The following PIWIL3 variants were observed in gnomAD, a reference collection of about 807,000 sequenced individuals.
PIWIL3 encodes the protein piwi like RNA-mediated gene silencing 3, also known as piwi-like protein 3.
Under a neutral mutation model 109.7 loss-of-function variants are expected in PIWIL3, and 101 were observed. The ratio of observed to expected loss-of-function variants is 0.92; its 90% CI spans 0.78 to 1.09. The LOEUF (loss-of-function observed/expected upper bound fraction) is 1.09, where lower values mean the gene tolerates loss of function less well. PIWIL3 is among the 50% of genes least tolerant of loss of function. The pLI is 0.00. For synonymous variants in PIWIL3, 373 were observed against 376.4 expected (o/e 0.99, Z 0.10); for missense variants, 1,031 against 1,072.6 (o/e 0.96, Z 0.54).
chr22:24,756,045 G>T, intron 5 of PIWIL3, 140 bp from the exon 6 acceptor site: 1 of 865,908 alleles, frequency 1.2e-6, no homozygotes, highest in Non-Finnish European at 1.8e-6. Flanking sequence ...AAGTACGTGC[G>T]TGTGGAAAAC....
In PIWIL3 at chr22:24,746,291, TGA is replaced by T. The variant is rs773728620; in HGVS notation, c.1449+2614_1449+2615del. 9.9e-5 allele frequency among the ~76,000 whole-genome samples: 15 copies of T among 152,246 alleles called. No individual in the cohort carries two copies. The East Asian group carries it at 2.7e-3, about 27-fold the overall frequency. On this transcript the variant is annotated intron_variant, in intron 12 of 20. Transcript: ENST00000616349. ...ATGGTTCTATGTAGGCAAATCAACA[TGA>T]TATATCCACAGAATGAAGGACAAAC...
chr22:24,753,202 G>C (rs9624584), intron 8 of PIWIL3, among the ~76,000 whole-genome samples: 4,614 of 152,248 alleles, frequency 0.03, 78 homozygotes, highest in African/African-American at 0.033. Context: ...GCTTTGAGTG[G>C]CTTATCTAAG....
At chr22:24,723,645 T>A (rs1396889178) in intron 18 of PIWIL3, among the ~76,000 whole-genome samples, 1 of 152,178 alleles carries the variant, frequency 6.6e-6, no homozygotes, top group Non-Finnish European at 1.5e-5. Flanking sequence ...AAAAGAAGGA[T>A]AAGTGTGAAC....
At chr22:24,749,134 T>C (rs1569105528) in intron 11 of PIWIL3, 113 bp from the exon 12 acceptor site, 11 of 899,572 alleles carry the variant, frequency 1.2e-5, no homozygotes, top group South Asian at 1.7e-5. Context: ...GTCCGCAGCA[T>C]TGAGATGCGG....
At chr22:24,754,695 C>G in intron 7 of PIWIL3, 89 bp downstream of exon 7, 2 of 1,040,632 alleles carry the variant, frequency 1.9e-6, no homozygotes, top group South Asian at 2.6e-5. Flanking sequence ...ACTTTTAAGG[C>G]ATACCACTTC....
chr22:24,720,748 AT>A (rs1922629787), intron 19 of PIWIL3, among the ~76,000 whole-genome samples: 1 of 151,546 alleles, frequency 6.6e-6, no homozygotes, highest in African/African-American at 2.4e-5. Flanking sequence ...CCTTTCCTTC[AT>A]TTTACTTCAT....
chr22:24,725,569 G>T, intron 16 of PIWIL3, 54 bp from the exon 17 acceptor site: 1 of 1,582,704 alleles, frequency 6.3e-7, no homozygotes, highest in South Asian at 1.1e-5. Context: ...AATCTCATTT[G>T]AGTCTGCATT....
intron 3 of PIWIL3, among the ~76,000 whole-genome samples, chr22:24,758,689 A>G (rs529188693): frequency 1.3e-5 from 2 of 152,310 alleles, no homozygotes; most frequent in South Asian, 4.1e-4. Context: ...TTACTTCTGG[A>G]GTCTAGTTTT....
Position 24,749,734 on chromosome 22 carries a change from C to G in PIWIL3, c.1175G>C (p.Arg392Pro), listed in dbSNP as rs199727540. 1 of 1,613,964 alleles carries G rather than the reference C, an allele frequency of 6.2e-7. No individual in the cohort carries two copies. The highest frequency in any genetic ancestry group is 8.5e-7 in the Non-Finnish European group (1 of 1,179,986). Reference protein sequence around the residue: ...RWKKGLTGTQREPILLIPQLC... With the variant: ...RWKKGLTGTQPEPILLIPQLC... ...CTGAGGAATCAGCAGGATAGGTTCA[C>G]GTTGTGTACCCGTTAGGCCCTTTTT... Residue 392 changes from arginine to proline, a missense_variant, in exon 10 of 21, where the codon CGT becomes CCT. Physicochemically the swap from Arg to Pro is moderately radical, Grantham distance 103. Coordinates refer to ENST00000616349, the MANE Select transcript of PIWIL3 (RefSeq NM_001255975.1).
In PIWIL3 at chr22:24,729,925, T is replaced by C. The variant is rs1049527480; in HGVS notation, c.1708-1551A>G. Among the ~76,000 whole-genome samples the C allele has an allele frequency of 2.6e-5, 4 of 151,690 alleles. No individual in the cohort carries two copies. The South Asian group carries it at 6.2e-4, about 24-fold the overall frequency. On this transcript the variant is annotated intron_variant, in intron 14 of 20. Transcript: ENST00000616349. ...CTGGTGAATCTATACTGATGGATTC[T>C]ACTTTTTCTTTTTTTTTTTTTTTAG...
chr22:24,729,541 T>C (rs190189192), intron 14 of PIWIL3, among the ~76,000 whole-genome samples: 81 of 152,308 alleles, frequency 5.3e-4, no homozygotes, highest in Middle Eastern at 6.8e-3. Flanking sequence ...TTTCAAATAT[T>C]GGGTTGGATT....
chr22:24,758,105 C>T (rs1925203114), intron 3 of PIWIL3, 66 bp from the exon 4 acceptor site: 7 of 1,515,794 alleles, frequency 4.6e-6, no homozygotes, highest in South Asian at 1.2e-5. Flanking sequence ...ACAGCATTAA[C>T]ACCCAGCATA....
chr22:24,757,079 C>CAAAAAAAAAAAAAAAAAAAAAAAAA (rs71189275), intron 4 of PIWIL3, among the ~76,000 whole-genome samples: 24 of 91,730 alleles, frequency 2.6e-4, no homozygotes, highest in African/African-American at 4.1e-4. Flanking sequence ...AACTCCGTCT[C>CAAAAAAAAAAAAAAAAAAAAAAAAA]AAAAAAAAAA....
At chr22:24,751,117 C>T (rs1924683883) in intron 9 of PIWIL3, among the ~76,000 whole-genome samples, 1 of 150,710 alleles carries the variant, frequency 6.6e-6, no homozygotes, top group East Asian at 2.0e-4. Flanking sequence ...GAACGAGACT[C>T]CAACTCAAAA....
intron 1 of PIWIL3, among the ~76,000 whole-genome samples, chr22:24,768,572 G>A (rs1925938812): frequency 6.6e-6 from 1 of 152,028 alleles, no homozygotes; most frequent in African/African-American, 2.4e-5. Flanking sequence ...TTTTCATTCT[G>A]CAGACATCAA....
chr22:24,765,113 A>C (rs1925712578), intron 1 of PIWIL3, among the ~76,000 whole-genome samples: 1 of 152,140 alleles, frequency 6.6e-6, no homozygotes, highest in Non-Finnish European at 1.5e-5. Context: ...TTTTGTTTTT[A>C]TTTTCAAGAG....
intron 14 of PIWIL3, among the ~76,000 whole-genome samples, chr22:24,729,622 A>C (rs573631398): frequency 2.6e-5 from 4 of 152,298 alleles, no homozygotes; most frequent in African/African-American, 9.6e-5. Context: ...TTGGGAAAAT[A>C]ATTATTAAGT....
At chr22:24,724,575 C>T (rs756240940) in intron 18 of PIWIL3, among the ~76,000 whole-genome samples, 19 of 152,000 alleles carry the variant, frequency 1.3e-4, no homozygotes, top group Non-Finnish European at 2.6e-4. Flanking sequence ...GCTGGGATTA[C>T]AGGCATGCAC....
intron 3 of PIWIL3, among the ~76,000 whole-genome samples, chr22:24,759,658 T>A (rs1282342572): frequency 1.3e-5 from 2 of 152,208 alleles, no homozygotes; most frequent in African/African-American, 4.8e-5. Flanking sequence ...AACAGTGACC[T>A]CCATCTCCCT....
Sources: allele counts gnomAD v4.1 joint callset (sites outside exome capture counted in the v4.1 genomes callset), GRCh38; gene constraint gnomAD v4.1.1; transcripts MANE v1.5; gene names NCBI Gene and HGNC (gene_info 2026-07-23, HGNC 2026-07-21).